TUSC3: variants seen among roughly 807,000 people sequenced by gnomAD.
TUSC3 encodes the protein dolichyl-diphosphooligosaccharide--protein glycosyltransferase subunit TUSC3.
In TUSC3, 45 loss-of-function variants were observed where a neutral mutation model predicts 44.8. The ratio of observed to expected loss-of-function variants is 1.00; its 90% CI spans 0.79 to 1.29. TUSC3 has a LOEUF of 1.29. Ranked by LOEUF, TUSC3 falls within the 50% of genes most tolerant of loss-of-function variation. The pLI is 0.00. For synonymous variants in TUSC3, 212 were observed against 152.9 expected (o/e 1.39, Z -2.85); for missense variants, 519 against 437.9 (o/e 1.19, Z -1.65).
At chr8:15,742,929 T>G (rs1811255972) in intron 7 of TUSC3, among the ~76,000 whole-genome samples, 1 of 152,232 alleles carries the variant, frequency 6.6e-6, no homozygotes, top group Non-Finnish European at 1.5e-5. Flanking sequence ...AAGCAGGTGT[T>G]AAAAACAAGT....
intron 6 of TUSC3, among the ~76,000 whole-genome samples, chr8:15,687,453 T>C (rs2129188091): frequency 6.6e-6 from 1 of 152,360 alleles, no homozygotes; most frequent in East Asian, 1.9e-4. Context: ...TTAATCTTTA[T>C]ATTCCTTTTT....
At chr8:15,561,256 C>A (rs1585101926) in intron 1 of TUSC3, among the ~76,000 whole-genome samples, 2 of 146,532 alleles carry the variant, frequency 1.4e-5, no homozygotes, top group African/African-American at 5.0e-5. Flanking sequence ...TGTTGGAATA[C>A]CCTGCAGTGT....
At chr8:15,710,109 G>A (rs1809782434) in intron 6 of TUSC3, among the ~76,000 whole-genome samples, 1 of 151,654 alleles carries the variant, frequency 6.6e-6, no homozygotes, top group Admixed American at 6.6e-5. Context: ...CCTTTTCGGA[G>A]TCCTACCTCC....
At position 15,487,946 on chromosome 8, in the gene TUSC3, T is replaced by C. The variant is rs17121506; in HGVS notation, n.189+4463T>C. Among the ~76,000 whole-genome samples, 1,129 of 151,870 alleles carry C rather than the reference T, an allele frequency of 7.4e-3. 21 individuals are homozygous for C. Among genetic ancestry groups the C allele is most frequent in the African/African-American group, 0.026 (1,073 of 41,400 alleles). ...TGAAAAGAAGAGTAGCAGCATATTA[T>C]TGAAAACACTCTCGTCTGAAATTCA... On this transcript the variant is annotated intron_variant and non_coding_transcript_variant, in intron 2 of 5. Transcript: ENST00000503191.
At position 15,704,505 on chromosome 8, in the gene TUSC3, A is replaced by T. The variant is rs887135775; in HGVS notation, c.799-26161A>T. On this transcript the variant is annotated intron_variant, in intron 6 of 10. Coordinates refer to ENST00000503731, the MANE Select transcript of TUSC3 (RefSeq NM_006765.4). The stretch of plus-strand genomic sequence containing the variant: ...AGTGAGATAATCTGACATTTTAAAA[A>T]TCACTTATTTTTGAGAAAGATAGCT... 1.1e-4 allele frequency among the ~76,000 whole-genome samples: 17 copies of T among 152,230 alleles called. 1 individual carries two copies. Among genetic ancestry groups the T allele is most frequent in the African/African-American group, 4.1e-4 (17 of 41,538 alleles).
intron 1 of TUSC3, among the ~76,000 whole-genome samples, chr8:15,556,439 T>C (rs1355526540): frequency 6.6e-6 from 1 of 151,526 alleles, no homozygotes; most frequent in African/African-American, 2.4e-5. Context: ...GTCTTTGCTG[T>C]TGTGAATAAT....
chr8:15,424,335 C>T (rs115248706), intron 1 of TUSC3, among the ~76,000 whole-genome samples: 3,957 of 152,012 alleles, frequency 0.026, 189 homozygotes, highest in African/African-American at 0.091. Flanking sequence ...TCTAGAACAA[C>T]CTGGAGCGTT....
In TUSC3 at chr8:15,662,212, G is replaced by C. The variant is rs369375650; in HGVS notation, c.624G>C (p.Val208=). The C allele has an allele frequency of 3.1e-6, 5 of 1,613,074 alleles. No homozygotes were observed. In the African/African-American group the frequency reaches 5.3e-5, roughly 17 times the overall value. ...GTACCATTGCTTTGGCCCTGTTAGT[G>C]TCGCTTGTTGGAGGTTTGCTTTATT... ...YSGTIALALL[V]SLVGGLLYLR... is the part of the protein sequence containing the mutation. Residue 208 remains valine (V), a synonymous_variant, in exon 5 of 11, where the codon GTG becomes GTC. Transcript: ENST00000503731.
chr8:15,660,077 C>A (rs2129179254), intron 4 of TUSC3, among the ~76,000 whole-genome samples: 1 of 152,080 alleles, frequency 6.6e-6, no homozygotes, highest in Non-Finnish European at 1.5e-5. Context: ...TTGGTGTAAC[C>A]ATACTAATAG....
intron 1 of TUSC3, among the ~76,000 whole-genome samples, chr8:15,480,803 T>G (rs981930488): frequency 6.6e-6 from 1 of 152,204 alleles, no homozygotes; most frequent in East Asian, 1.9e-4. Flanking sequence ...TATTTAAGTC[T>G]CTATCTCCAA....
intron 1 of TUSC3, among the ~76,000 whole-genome samples, chr8:15,444,758 T>C (rs1373832701): frequency 8.5e-6 from 1 of 117,622 alleles, no homozygotes; most frequent in African/African-American, 2.5e-5. Flanking sequence ...GCATTTCTTA[T>C]ATGTATAGAA....
chr8:15,527,653 T>C (rs1212171200), intron 2 of TUSC3, among the ~76,000 whole-genome samples: 4 of 152,196 alleles, frequency 2.6e-5, no homozygotes, highest in African/African-American at 7.2e-5. Flanking sequence ...GAACCTCCCA[T>C]GTTGGCCTCC....
chr8:15,454,230 C>A (rs1395335026), intron 1 of TUSC3, among the ~76,000 whole-genome samples: 1 of 152,144 alleles, frequency 6.6e-6, no homozygotes, highest in East Asian at 1.9e-4. Flanking sequence ...TCTCAAGTCA[C>A]CCCCTTGGCC....
chr8:15,659,813 A>C (rs1807338632), intron 4 of TUSC3, among the ~76,000 whole-genome samples, 166 bp downstream of exon 4: 1 of 152,132 alleles, frequency 6.6e-6, no homozygotes, highest in South Asian at 2.1e-4. Flanking sequence ...TATTAGCTGA[A>C]TTCAGATGCT....
intron 1 of TUSC3, among the ~76,000 whole-genome samples, chr8:15,450,381 G>T (rs897642945): frequency 1.3e-4 from 19 of 149,930 alleles, no homozygotes; most frequent in African/African-American, 4.4e-4. Flanking sequence ...CCCACTCAAG[G>T]TGCTATTTAA....
At chr8:15,513,943 C>T (rs1801177071) in intron 2 of TUSC3, among the ~76,000 whole-genome samples, 1 of 152,134 alleles carries the variant, frequency 6.6e-6, no homozygotes, top group Non-Finnish European at 1.5e-5. Flanking sequence ...CTCCCTTCTT[C>T]CTCTTCCCAC....
chr8:15,456,548 A>G (rs908422538), intron 1 of TUSC3, among the ~76,000 whole-genome samples: 2 of 152,190 alleles, frequency 1.3e-5, no homozygotes, highest in Admixed American at 6.5e-5. Context: ...AAAGAGTGAT[A>G]TTAGGGTAGA....
intron 4 of TUSC3, among the ~76,000 whole-genome samples, chr8:15,660,402 T>C (rs565133444): frequency 5.7e-4 from 86 of 152,098 alleles, no homozygotes; most frequent in African/African-American, 2.0e-3. Flanking sequence ...AGTACAAATA[T>C]GAGTATAGAT....
chr8:15,835,238 G>A, the TUSC3 span, among the ~76,000 whole-genome samples: 178 of 152,164 alleles, frequency 1.2e-3, no homozygotes, highest in African/African-American at 4.1e-3. Context: ...TATTTACGTA[G>A]AGTTGAAAAA....
Sources: allele counts gnomAD v4.1 joint callset (sites outside exome capture counted in the v4.1 genomes callset), GRCh38; gene constraint gnomAD v4.1.1; transcripts MANE v1.5; gene names NCBI Gene and HGNC (gene_info 2026-07-23, HGNC 2026-07-21).